IMMP2L: variants seen among roughly 807,000 people sequenced by gnomAD.
The protein encoded by IMMP2L is mitochondrial inner membrane protease subunit 2.
In IMMP2L, 18 loss-of-function variants were observed where a neutral mutation model predicts 19.3. The ratio of observed to expected loss-of-function variants is 0.93; its 90% CI spans 0.64 to 1.38. The LOEUF (loss-of-function observed/expected upper bound fraction) is 1.38. Among genes scored for constraint, IMMP2L ranks in the 40% most tolerant of loss-of-function variants. The pLI, the probability that IMMP2L is intolerant of heterozygous loss-of-function variation, is 0.00. For missense variants in IMMP2L, 233 were observed against 218.2 expected (o/e 1.07, Z -0.43); for synonymous variants, 76 against 73.0 (o/e 1.04, Z -0.21).
intron 3 of IMMP2L, among the ~76,000 whole-genome samples, chr7:111,066,142 C>A (rs1208234792): frequency 6.6e-6 from 1 of 151,888 alleles, no homozygotes; most frequent in Non-Finnish European, 1.5e-5. Flanking sequence ...CCACGCCTGG[C>A]AAATTTTTGT....
chr7:111,510,227 AG>A (rs1845311007), intron 2 of IMMP2L, among the ~76,000 whole-genome samples: 1 of 152,174 alleles, frequency 6.6e-6, no homozygotes, highest in Non-Finnish European at 1.5e-5. Context: ...GCTTGTAAAA[AG>A]AATTTCAAAA....
At chr7:111,061,665 T>C (rs1586024640) in intron 3 of IMMP2L, among the ~76,000 whole-genome samples, 1 of 152,284 alleles carries the variant, frequency 6.6e-6, no homozygotes, top group East Asian at 1.9e-4. Context: ...TTCGACTGCT[T>C]TAGCAAACTT....
At chr7:111,486,367 A>G (rs1362598979) in intron 3 of IMMP2L, among the ~76,000 whole-genome samples, 1 of 152,176 alleles carries the variant, frequency 6.6e-6, no homozygotes, top group African/African-American at 2.4e-5. Context: ...TCCAACAAGA[A>G]AAAAATCCTT....
At chr7:110,984,221 G>A (rs1021118325) in intron 3 of IMMP2L, among the ~76,000 whole-genome samples, 5 of 151,516 alleles carry the variant, frequency 3.3e-5, no homozygotes, top group Admixed American at 3.3e-4. Flanking sequence ...AATGGGTCAC[G>A]TCAGATATCA....
At chr7:110,886,531 C>T (rs1252798743) in intron 5 of IMMP2L, 62 bp downstream of exon 5, 14 of 882,102 alleles carry the variant, frequency 1.6e-5, no homozygotes, top group Non-Finnish European at 2.7e-5. Flanking sequence ...ACCTATCTGA[C>T]ATAGTTTTGT....
At chr7:111,210,595 T>C (rs1303728337) in intron 3 of IMMP2L, among the ~76,000 whole-genome samples, 2 of 152,144 alleles carry the variant, frequency 1.3e-5, no homozygotes, top group Admixed American at 6.5e-5. Context: ...ATGATACATT[T>C]TGAAGTGTGT....
chr7:110,720,247 C>T (rs937553281), intron 5 of IMMP2L, among the ~76,000 whole-genome samples: 1 of 152,092 alleles, frequency 6.6e-6, no homozygotes, highest in Non-Finnish European at 1.5e-5. Context: ...TGTTAAGAGG[C>T]TTATAACACG....
chr7:110,982,613 GAACT>G (rs999284095), intron 3 of IMMP2L, among the ~76,000 whole-genome samples: 1 of 152,034 alleles, frequency 6.6e-6, no homozygotes, highest in African/African-American at 2.4e-5. Flanking sequence ...CGGGGTTCAT[GAACT>G]ATCTAAAAAG....
At chr7:111,365,375 G>A (rs2131036159) in intron 3 of IMMP2L, among the ~76,000 whole-genome samples, 1 of 152,156 alleles carries the variant, frequency 6.6e-6, no homozygotes, top group East Asian at 1.9e-4. Flanking sequence ...ATCTGCCTGT[G>A]ACAGACATCA....
intron 5 of IMMP2L, among the ~76,000 whole-genome samples, chr7:110,809,107 A>G (rs1433515027): frequency 6.6e-6 from 1 of 151,960 alleles, no homozygotes; most frequent in African/African-American, 2.4e-5. Flanking sequence ...ACTTCACATC[A>G]TTTTTCTACA....
At chr7:110,764,699 G>C (rs1798555169) in intron 5 of IMMP2L, among the ~76,000 whole-genome samples, 1 of 151,996 alleles carries the variant, frequency 6.6e-6, no homozygotes, top group Non-Finnish European at 1.5e-5. Flanking sequence ...CAATGAAAGA[G>C]AATTATGACT....
chr7:111,195,226 T>A (rs534532924), intron 3 of IMMP2L, among the ~76,000 whole-genome samples: 5 of 152,262 alleles, frequency 3.3e-5, no homozygotes, highest in African/African-American at 1.2e-4. Flanking sequence ...TAAACTAATT[T>A]AAATTTAAAG....
intron 3 of IMMP2L, among the ~76,000 whole-genome samples, chr7:111,172,938 A>G (rs900312390): frequency 1.1e-4 from 16 of 151,680 alleles, no homozygotes; most frequent in Non-Finnish European, 1.5e-5. Flanking sequence ...CCGATAATCT[A>G]TGTAATAGAA....
At chr7:111,003,950 A>G (rs543814898) in intron 3 of IMMP2L, among the ~76,000 whole-genome samples, 8 of 152,346 alleles carry the variant, frequency 5.3e-5, no homozygotes, top group Admixed American at 4.6e-4. Flanking sequence ...ACCACTTTGT[A>G]TATTCTCACC....
chr7:110,891,221 G>T (rs1810758612), intron 4 of IMMP2L, among the ~76,000 whole-genome samples: 2 of 144,074 alleles, frequency 1.4e-5, no homozygotes, highest in Admixed American at 1.4e-4. Flanking sequence ...CTTTATCATT[G>T]TTAACAGATA....
At chr7:111,233,912 G>A (rs1813996446) in intron 3 of IMMP2L, among the ~76,000 whole-genome samples, 2 of 151,872 alleles carry the variant, frequency 1.3e-5, no homozygotes, top group African/African-American at 4.8e-5. Flanking sequence ...TTGTTTTGTA[G>A]CACCATCTCG....
intron 3 of IMMP2L, among the ~76,000 whole-genome samples, chr7:111,187,401 AC>A (rs1350413062): frequency 2.0e-5 from 3 of 152,166 alleles, no homozygotes; most frequent in African/African-American, 4.8e-5. Context: ...TCAGGGCAAT[AC>A]CACCCAAGCC....
chr7:111,445,544 A>C (rs1388117980), intron 3 of IMMP2L, among the ~76,000 whole-genome samples: 1 of 152,192 alleles, frequency 6.6e-6, no homozygotes, highest in Non-Finnish European at 1.5e-5. Context: ...ACTTTAAAGG[A>C]CTAATGGAGA....
intron 3 of IMMP2L, among the ~76,000 whole-genome samples, chr7:111,053,127 C>G (rs1392031123): frequency 1.3e-5 from 2 of 152,160 alleles, no homozygotes; most frequent in African/African-American, 4.8e-5. Context: ...TATTAAAAAG[C>G]TTTAGAGCAG....
Sources: gnomAD v4.1 joint callset for allele counts (sites outside exome capture counted in the v4.1 genomes callset) on GRCh38, gnomAD v4.1.1 for gene constraint, MANE v1.5 for transcripts, NCBI Gene and HGNC (gene_info 2026-07-23, HGNC 2026-07-21) for gene names.